ADGRL2: variants seen among roughly 807,000 people sequenced by gnomAD.
ADGRL2 encodes the protein calcium-independent alpha-latrotoxin receptor 2.
In ADGRL2, 44 loss-of-function variants were observed where a neutral mutation model predicts 157.4. That is an observed-to-expected ratio of 0.28 (90% confidence interval 0.22 to 0.36). The LOEUF is 0.36. Among genes scored for constraint, ADGRL2 ranks in the 10% least tolerant of loss-of-function variants. ADGRL2 has a pLI of 1.00. For missense variants in ADGRL2, 1,510 were observed against 1,768.9 expected (o/e 0.85, Z 2.63); for synonymous variants, 585 against 624.7 (o/e 0.94, Z 0.95).
At chr1:81,536,641 C>G (rs928135048) in intron 2 of ADGRL2, among the ~76,000 whole-genome samples, 4 of 151,960 alleles carry the variant, frequency 2.6e-5, no homozygotes, top group Non-Finnish European at 5.9e-5. Flanking sequence ...GTTTCTTTGT[C>G]GTCGTTGTTT....
chr1:81,791,543 A>T (rs2087347027), intron 2 of ADGRL2, among the ~76,000 whole-genome samples: 1 of 152,164 alleles, frequency 6.6e-6, no homozygotes, highest in Non-Finnish European at 1.5e-5. Context: ...ATTGAAATAA[A>T]ATCTGAATGA....
chr1:81,307,238 C>A (rs1215445059), intron 1 of ADGRL2, among the ~76,000 whole-genome samples: 1 of 152,134 alleles, frequency 6.6e-6, no homozygotes, highest in Non-Finnish European at 1.5e-5. Flanking sequence ...AGAATGATTT[C>A]AATAGCCAAA....
At chr1:81,327,872 G>A (rs1214516774) in intron 1 of ADGRL2, among the ~76,000 whole-genome samples, 3 of 152,194 alleles carry the variant, frequency 2.0e-5, no homozygotes, top group South Asian at 2.1e-4. Context: ...TCTCAGTACC[G>A]TGGACAAGGC....
chr1:81,540,716 G>A (rs889489559), intron 2 of ADGRL2, among the ~76,000 whole-genome samples: 1 of 152,186 alleles, frequency 6.6e-6, no homozygotes, highest in Non-Finnish European at 1.5e-5. Context: ...ACAGGCCCTG[G>A]TAAGAAATTC....
intron 2 of ADGRL2, among the ~76,000 whole-genome samples, chr1:81,866,387 A>G (rs117542734): frequency 1.3e-5 from 2 of 152,290 alleles, no homozygotes; most frequent in East Asian, 1.9e-4. Context: ...AACTCTATGT[A>G]TAAAGGACAG....
At chr1:81,946,305 C>G (rs1412075593) in intron 6 of ADGRL2, among the ~76,000 whole-genome samples, 2 of 150,344 alleles carry the variant, frequency 1.3e-5, no homozygotes, top group Non-Finnish European at 3.0e-5. Context: ...CTTTTCATTC[C>G]TAAAAGCACA....
chr1:81,435,672 G>C (rs2077396181), intron 1 of ADGRL2, among the ~76,000 whole-genome samples: 1 of 152,224 alleles, frequency 6.6e-6, no homozygotes, highest in South Asian at 2.1e-4. Context: ...ATTCATAGTG[G>C]ATACATTGAA....
chr1:81,686,895 G>T (rs1363524617), intron 3 of ADGRL2, among the ~76,000 whole-genome samples: 1 of 152,076 alleles, frequency 6.6e-6, no homozygotes, highest in African/African-American at 2.4e-5. Context: ...TTTGACCCAA[G>T]ATCATTCAGG....
intron 2 of ADGRL2, among the ~76,000 whole-genome samples, chr1:81,844,661 A>G (rs1264578202): frequency 6.6e-6 from 1 of 152,194 alleles, no homozygotes; most frequent in Non-Finnish European, 1.5e-5. Context: ...TGAGTATCTC[A>G]TGGCATCTTT....
intron 1 of ADGRL2, among the ~76,000 whole-genome samples, chr1:81,318,625 T>C (rs371141070): frequency 6.6e-6 from 1 of 152,190 alleles, no homozygotes; most frequent in African/African-American, 2.4e-5. Context: ...ATGATAGTAA[T>C]AATAGCAGTT....
upstream of ADGRL2, among the ~76,000 whole-genome samples, chr1:81,695,339 A>G (rs1186288509): frequency 6.6e-6 from 1 of 152,072 alleles, no homozygotes; most frequent in Non-Finnish European, 1.5e-5. Flanking sequence ...ATTTTCTAAT[A>G]CCCACTTACA....
At chr1:81,905,829 G>A (rs927380124) in intron 2 of ADGRL2, among the ~76,000 whole-genome samples, 1 of 152,078 alleles carries the variant, frequency 6.6e-6, no homozygotes, top group African/African-American at 2.4e-5. Flanking sequence ...ACAGAAATGT[G>A]TCAGCTTCTG....
intron 1 of ADGRL2, among the ~76,000 whole-genome samples, chr1:81,812,600 G>A (rs1021093671): frequency 6.6e-6 from 1 of 151,672 alleles, no homozygotes; most frequent in African/African-American, 2.4e-5. Context: ...TAAATGCATA[G>A]TAGTTGTTAC....
At chr1:81,363,671 A>G (rs149727434) in intron 1 of ADGRL2, among the ~76,000 whole-genome samples, 2 of 152,246 alleles carry the variant, frequency 1.3e-5, no homozygotes, top group African/African-American at 4.8e-5. Flanking sequence ...TTAAAATAGC[A>G]TCTCTGTGTA....
chr1:81,836,946 C>G lies in ADGRL2; in HGVS notation c.-39C>G. ...GAAGCTGGGCATTTATAACTAGATT[C>G]ATTAAGGAATACAAAGAAAATACTT... On this transcript the variant is annotated 5_prime_UTR_variant, in exon 2 of 24. Transcript: ENST00000686636. 8.1e-7 allele frequency: 1 copy of G among 1,228,990 alleles called. No homozygotes were observed. Among genetic ancestry groups the G allele is most frequent in the Non-Finnish European group, 1.2e-6 (1 of 861,864 alleles). 76.1% of individuals were successfully genotyped at this position (1,228,990 alleles called of 1,614,324 possible). A position where few individuals can be genotyped will look rare whatever the true frequency, so the allele number is the denominator to read the frequency against.
chr1:81,616,674 C>CTTTCCTTT (rs2081657605), intron 3 of ADGRL2, among the ~76,000 whole-genome samples: 1 of 51,870 alleles, frequency 1.9e-5, no homozygotes, highest in African/African-American at 6.7e-5. Context: ...CTTTTCTTTT[C>CTTTCCTTT]TTTTCTTTTT....
At chr1:81,695,807 A>G (rs1374780286), upstream of ADGRL2, among the ~76,000 whole-genome samples, 3 of 149,338 alleles carry the variant, frequency 2.0e-5, no homozygotes, top group Non-Finnish European at 4.5e-5. Flanking sequence ...TGGGCAACAG[A>G]GTGAGACTCT....
chr1:81,616,896 G>T (rs140167538), intron 3 of ADGRL2, among the ~76,000 whole-genome samples: 1 of 151,882 alleles, frequency 6.6e-6, no homozygotes, highest in South Asian at 2.1e-4. Flanking sequence ...CAGGCTGGTC[G>T]CAAAAGCCAG....
At position 81,663,382 on chromosome 1, in the gene ADGRL2, C is replaced by CCTA. The variant is rs569832978; in HGVS notation, c.-143+82404_-143+82406dup. 2.2e-4 allele frequency among the ~76,000 whole-genome samples: 33 copies of CCTA among 152,266 alleles called. No individual in the cohort carries two copies. In the East Asian group the frequency reaches 6.2e-3, roughly 29 times the overall value. On this transcript the variant is annotated intron_variant, in intron 3 of 24. Coordinates refer to the ADGRL2 transcript ENST00000370721. ...ACCTCCCGGATCCATACACCTCTCG[C>CCTA]CTACGAATAGAGTAGTTAAGCTTCT... is the stretch of plus-strand genomic sequence containing the variant.
Sources: allele counts gnomAD v4.1 joint callset (sites outside exome capture counted in the v4.1 genomes callset), GRCh38; gene constraint gnomAD v4.1.1; transcripts MANE v1.5; gene names NCBI Gene and HGNC (gene_info 2026-07-23, HGNC 2026-07-21).